CNTNAP4: variants seen among roughly 807,000 people sequenced by gnomAD.
CNTNAP4 encodes the protein contactin associated protein family member 4.
CNTNAP4 carries 98 observed loss-of-function variants against 148.4 expected under a neutral mutation model. The observed-to-expected ratio is 0.66, with a 90% confidence interval of 0.56 to 0.78. The LOEUF (loss-of-function observed/expected upper bound fraction) is 0.78, where lower values mean the gene tolerates loss of function less well. Among genes scored for constraint, CNTNAP4 ranks in the 30% least tolerant of loss-of-function variants. The pLI, the probability that CNTNAP4 is intolerant of heterozygous loss-of-function variation, is 0.00. For missense variants in CNTNAP4, 1,935 were observed against 1,565.6 expected, an observed-to-expected ratio of 1.24 and a Z score of -3.98; for synonymous variants, 730 against 565.1, an observed-to-expected ratio of 1.29 and a Z score of -4.14.
chr16:76,384,663 G>A (rs983330397), intron 3 of CNTNAP4, among the ~76,000 whole-genome samples: 4 of 152,142 alleles, frequency 2.6e-5, no homozygotes, highest in African/African-American at 9.7e-5. Context: ...AACAGTCATG[G>A]TAGGCGATTG....
intron 11 of CNTNAP4, among the ~76,000 whole-genome samples, chr16:76,476,358 A>T (rs959880087): frequency 6.6e-6 from 1 of 152,188 alleles, no homozygotes; most frequent in Admixed American, 6.5e-5. Flanking sequence ...AACTTTCTAG[A>T]AGGCGCAGTA....
intron 3 of CNTNAP4, among the ~76,000 whole-genome samples, chr16:76,401,982 A>G (rs1306254090): frequency 6.6e-6 from 1 of 152,150 alleles, no homozygotes; most frequent in East Asian, 1.9e-4. Context: ...GTGTTCATCA[A>G]AAATATTGTC....
At chr16:76,347,040 C>G (rs1261289720) in intron 2 of CNTNAP4, among the ~76,000 whole-genome samples, 1 of 152,048 alleles carries the variant, frequency 6.6e-6, no homozygotes, top group Non-Finnish European at 1.5e-5. Context: ...AAAAGCATCT[C>G]TTTTTCATCG....
intron 3 of CNTNAP4, among the ~76,000 whole-genome samples, chr16:76,409,131 A>G (rs2078704483): frequency 6.6e-6 from 1 of 152,066 alleles, no homozygotes; most frequent in African/African-American, 2.4e-5. Context: ...TGTGGCATTA[A>G]GATAAATATC....
intron 3 of CNTNAP4, among the ~76,000 whole-genome samples, chr16:76,364,249 A>C (rs893351357): frequency 6.6e-6 from 1 of 151,066 alleles, no homozygotes; most frequent in Admixed American, 6.6e-5. Context: ...AAAAAAAAAA[A>C]AAAAAAAAAA....
At position 76,467,392 on chromosome 16, in the gene CNTNAP4, A is replaced by G. The variant is rs1269931869; in HGVS notation, c.1524A>G (p.Pro508=). 44 of 1,613,784 alleles carry G rather than the reference A, an allele frequency of 2.7e-5. No homozygotes were observed. The highest frequency in any genetic ancestry group is 6.7e-5 in the African/African-American group (5 of 74,922). ...DKSFGSKCKS[P]LGGFQGCMRL... ...GCTTTGGATCCAAATGTAAAAGTCC[A>G]CTTGGTGGATTTCAGGGATGTATGA... The change falls in exon 10 of 24, where the codon CCA becomes CCG. Residue 508 remains proline (P), a synonymous_variant. Coordinates refer to ENST00000611870, the MANE Select transcript of CNTNAP4 (RefSeq NM_033401.5).
chr16:76,458,266 A>G (rs1597608008), intron 8 of CNTNAP4, among the ~76,000 whole-genome samples: 1 of 152,150 alleles, frequency 6.6e-6, no homozygotes, highest in African/African-American at 2.4e-5. Flanking sequence ...ACGTGAATGC[A>G]GGCATCTTTT....
chr16:76,460,624 G>A (rs373117709), intron 8 of CNTNAP4, among the ~76,000 whole-genome samples: 7 of 147,982 alleles, frequency 4.7e-5, no homozygotes, highest in East Asian at 2.1e-4. Flanking sequence ...TTAGCCAGGC[G>A]TGGTGGCAAG....
chr16:76,451,140 A>C (rs2080457728), intron 7 of CNTNAP4, among the ~76,000 whole-genome samples: 1 of 152,152 alleles, frequency 6.6e-6, no homozygotes, highest in Non-Finnish European at 1.5e-5. Flanking sequence ...AGTGCAGGAG[A>C]GCAAGGACAG....
At chr16:76,419,146 T>G (rs4597351) in intron 3 of CNTNAP4, among the ~76,000 whole-genome samples, 53,169 of 151,804 alleles carry the variant, frequency 0.35, 10,979 homozygotes, top group Non-Finnish European at 0.44. Flanking sequence ...TCTGGTGGTA[T>G]AGCTTTTTTC....
rs112571222 is a variant in CNTNAP4, at chr16:76,377,745, C to A, written c.390+22234C>A. 3.3e-5 allele frequency among the ~76,000 whole-genome samples: 5 copies of A among 152,062 alleles called. No homozygotes were observed. The South Asian group carries it at 8.3e-4, about 25-fold the overall frequency. Reference sequence around the variant, plus strand: ...TCTCCCTCATTTTTTTCTTTTGGCACCTCATTTTTACAAGGAAGAAATAAA... The same window carrying A: ...TCTCCCTCATTTTTTTCTTTTGGCAACTCATTTTTACAAGGAAGAAATAAA... On this transcript the variant is annotated intron_variant, in intron 3 of 23. Transcript: ENST00000611870.
At chr16:76,373,720 C>T (rs2144648200) in intron 3 of CNTNAP4, among the ~76,000 whole-genome samples, 1 of 151,856 alleles carries the variant, frequency 6.6e-6, no homozygotes, top group East Asian at 1.9e-4. Context: ...CATGGTGAAA[C>T]CCTATCTCTA....
At chr16:76,375,129 A>T (rs2015289065) in intron 3 of CNTNAP4, among the ~76,000 whole-genome samples, 1 of 152,156 alleles carries the variant, frequency 6.6e-6, no homozygotes, top group African/African-American at 2.4e-5. Flanking sequence ...TGTGATTTAA[A>T]GGCACGTATT....
chr16:76,333,116 T>C (rs535625376), intron 2 of CNTNAP4, among the ~76,000 whole-genome samples: 108 of 152,330 alleles, frequency 7.1e-4, no homozygotes, highest in African/African-American at 2.5e-3. Context: ...GAGGGTTACA[T>C]CTGTGCTGAG....
intron 23 of CNTNAP4, 128 bp downstream of exon 23, chr16:76,554,035 A>G: frequency 3.5e-6 from 2 of 564,060 alleles, no homozygotes; most frequent in East Asian, 6.2e-5. Flanking sequence ...TCCTGAGGTC[A>G]TTGGGGTGAT....
At chr16:76,286,561 G>C (rs1958894709) in intron 1 of CNTNAP4, among the ~76,000 whole-genome samples, 1 of 152,060 alleles carries the variant, frequency 6.6e-6, no homozygotes, top group South Asian at 2.1e-4. Context: ...GTGGGTGCTA[G>C]TCTTTCTGAA....
At chr16:76,507,791 CAAG>C (rs61047558) in intron 15 of CNTNAP4, among the ~76,000 whole-genome samples, 7,110 of 96,854 alleles carry the variant, frequency 0.073, 1,481 homozygotes, top group African/African-American at 0.17. Flanking sequence ...TGACACACAG[CAAG>C]AAGAAGTCTA....
chr16:76,297,250 A>G (rs572449562), intron 1 of CNTNAP4, among the ~76,000 whole-genome samples: 7 of 152,296 alleles, frequency 4.6e-5, no homozygotes, highest in African/African-American at 1.4e-4. Flanking sequence ...ACTGTTATTC[A>G]ATTTAATTTT....
chr16:76,403,243 C>A (rs2078482848), intron 3 of CNTNAP4, among the ~76,000 whole-genome samples: 1 of 152,042 alleles, frequency 6.6e-6, no homozygotes, highest in South Asian at 2.1e-4. Flanking sequence ...CAGGCACCTG[C>A]CACCACACCT....
Sources: gnomAD v4.1 joint callset for allele counts (sites outside exome capture counted in the v4.1 genomes callset) on GRCh38, gnomAD v4.1.1 for gene constraint, MANE v1.5 for transcripts, NCBI Gene and HGNC (gene_info 2026-07-23, HGNC 2026-07-21) for gene names.